Variants in CNOT10 observed in about 807,000 individuals in gnomAD.
CNOT10 encodes CCR4-NOT transcription complex subunit 10.
CNOT10 carries 30 observed loss-of-function variants against 94.6 expected under a neutral mutation model. The observed-to-expected ratio is 0.32, with a 90% CI of 0.24 to 0.43. CNOT10 has a LOEUF of 0.43. Among genes scored for constraint, CNOT10 ranks in the 20% least tolerant of loss-of-function variants. CNOT10 has a pLI of 1.00. For synonymous variants in CNOT10, 289 were observed against 301.6 expected (o/e 0.96, Z 0.43); for missense variants, 759 against 877.2 (o/e 0.87, Z 1.70).
chr3:32,687,808 T>G (rs1696696059), intron 1 of CNOT10: 1 of 152,130 alleles, frequency 6.6e-6, no homozygotes, highest in Non-Finnish European at 1.5e-5. Flanking sequence ...CAGCTGGATT[T>G]CTGTATCAAC....
At chr3:32,712,662 A>G (rs1208454710) in intron 4 of CNOT10, among the ~76,000 whole-genome samples, 2 of 152,284 alleles carry the variant, frequency 1.3e-5, no homozygotes, top group Non-Finnish European at 2.9e-5. Flanking sequence ...CCTGGGCAAC[A>G]TAGTGAAACC....
chr3:32,727,561 AT>A, intron 9 of CNOT10, 106 bp from the exon 10 acceptor site: 1 of 729,734 alleles, frequency 1.4e-6, no homozygotes, highest in South Asian at 1.6e-5. Flanking sequence ...GATCAGGATT[AT>A]TGGTGTTAAA....
chr3:32,773,486 A>G lies in CNOT10; in HGVS notation c.2110A>G (p.Lys704Glu). Reference protein sequence around the residue: ...GNTQLALQIIKRNQLLPAVKT... With the variant: ...GNTQLALQIIERNQLLPAVKT... Reference sequence around the variant, plus strand: ...TACTCAGCTGGCCTTACAGATCATCAAAAGGAATCAGCTGCTCCCTGCAGT... The same window carrying G: ...TACTCAGCTGGCCTTACAGATCATCGAAAGGAATCAGCTGCTCCCTGCAGT... The change falls in exon 19 of 19, where the codon AAA (lysine) becomes GAA (glutamate). Residue 704 changes from lysine to glutamate, a missense_variant. By Grantham distance (56) the Lys-to-Glu change is moderately conservative. Coordinates refer to ENST00000328834, the MANE Select transcript of CNOT10 (RefSeq NM_015442.3). 1 of 1,613,652 alleles carries G rather than the reference A, an allele frequency of 6.2e-7. No homozygotes were observed. Among genetic ancestry groups the G allele is most frequent in the Non-Finnish European group, 8.5e-7 (1 of 1,179,892 alleles).
At chr3:32,699,328 A>G (rs763628145) in intron 1 of CNOT10, among the ~76,000 whole-genome samples, 14 of 152,242 alleles carry the variant, frequency 9.2e-5, no homozygotes, top group Non-Finnish European at 1.3e-4. Context: ...ATCAAGTTAT[A>G]TAGACTTAAT....
At chr3:32,706,128 A>G (rs1333776718) in intron 3 of CNOT10, among the ~76,000 whole-genome samples, 4 of 152,088 alleles carry the variant, frequency 2.6e-5, no homozygotes, top group Non-Finnish European at 4.4e-5. Context: ...CTGTTCTCCT[A>G]CCTGTCTCAG....
intron 1 of CNOT10, among the ~76,000 whole-genome samples, chr3:32,687,463 T>TTGTTTGTTTGTTTG (rs1696671141): frequency 1.7e-5 from 2 of 116,440 alleles, no homozygotes; most frequent in Admixed American, 9.4e-5. Context: ...TTTTTTTTTT[T>TTGTTTGTTTGTTTG]TTTTTTGAGA....
intron 6 of CNOT10, among the ~76,000 whole-genome samples, chr3:32,716,882 T>C (rs1226025616): frequency 6.6e-6 from 1 of 152,200 alleles, no homozygotes; most frequent in Admixed American, 6.5e-5. Flanking sequence ...ACTCCTGACC[T>C]CAGGTGATCC....
intron 1 of CNOT10, among the ~76,000 whole-genome samples, chr3:32,694,282 G>T (rs1696963902): frequency 6.6e-6 from 1 of 151,986 alleles, no homozygotes; most frequent in Non-Finnish European, 1.5e-5. Context: ...GTTTGAAGAT[G>T]TTATGTTGAA....
chr3:32,697,015 A>T (rs907489505), intron 1 of CNOT10, among the ~76,000 whole-genome samples: 3 of 148,676 alleles, frequency 2.0e-5, no homozygotes, highest in Admixed American at 2.0e-4. Context: ...CAGTGGCGTG[A>T]TCTCGGCTCA....
intron 13 of CNOT10, among the ~76,000 whole-genome samples, chr3:32,739,229 G>A (rs1005198715): frequency 6.6e-6 from 1 of 151,968 alleles, no homozygotes; most frequent in Non-Finnish European, 1.5e-5. Context: ...GATATTTGTG[G>A]GATCTCTTGC....
chr3:32,736,807 G>A (rs1177162972), intron 12 of CNOT10, among the ~76,000 whole-genome samples: 2 of 151,578 alleles, frequency 1.3e-5, no homozygotes, highest in Non-Finnish European at 2.9e-5. Context: ...AGGGGTCAGG[G>A]TAATTAGAAT....
chr3:32,716,198 G>T, intron 5 of CNOT10, 27 bp from the exon 6 acceptor site: 1 of 1,239,382 alleles, frequency 8.1e-7, no homozygotes, highest in South Asian at 1.5e-5. Context: ...ATTTAATTTT[G>T]ATAAACTTTG....
chr3:32,752,736 G>A (rs1700018059), intron 13 of CNOT10, among the ~76,000 whole-genome samples: 1 of 152,150 alleles, frequency 6.6e-6, no homozygotes, highest in Non-Finnish European at 1.5e-5. Context: ...AGCACTTTGG[G>A]AGGCCGAGGT....
At chr3:32,728,525 A>G (rs762240634) in intron 10 of CNOT10, among the ~76,000 whole-genome samples, 1 of 151,992 alleles carries the variant, frequency 6.6e-6, no homozygotes, top group Non-Finnish European at 1.5e-5. Flanking sequence ...AAGCGGGAAG[A>G]TCGTTTGAGC....
intron 18 of CNOT10, among the ~76,000 whole-genome samples, chr3:32,772,417 C>T (rs992312675): frequency 3.9e-5 from 6 of 152,066 alleles, no homozygotes; most frequent in African/African-American, 9.7e-5. Flanking sequence ...GAGGCTGAGG[C>T]GGGAGGATTG....
chr3:32,723,990 G>A (rs1420973499), intron 8 of CNOT10, among the ~76,000 whole-genome samples: 1 of 152,118 alleles, frequency 6.6e-6, no homozygotes, highest in African/African-American at 2.4e-5. Context: ...TGAGGCATGA[G>A]GATTGCTTGA....
chr3:32,703,724 A>G, intron 1 of CNOT10, 144 bp from the exon 2 acceptor site: 1 of 604,508 alleles, frequency 1.7e-6, no homozygotes, highest in Non-Finnish European at 2.9e-6. Context: ...TTAAAACTTA[A>G]GAACTGCTTA....
chr3:32,727,072 C>T (rs1698706718), intron 9 of CNOT10, among the ~76,000 whole-genome samples: 1 of 151,956 alleles, frequency 6.6e-6, no homozygotes, highest in South Asian at 2.1e-4. Flanking sequence ...GTTTTGAACT[C>T]CTGACTTCGT....
At chr3:32,696,001 G>A (rs1342744287) in intron 1 of CNOT10, among the ~76,000 whole-genome samples, 3 of 130,284 alleles carry the variant, frequency 2.3e-5, no homozygotes, top group South Asian at 2.6e-4. Flanking sequence ...GTGTGTGTGT[G>A]TGTGTGTGTG....
Sources: gnomAD v4.1 joint callset for allele counts (sites outside exome capture counted in the v4.1 genomes callset) on GRCh38, gnomAD v4.1.1 for gene constraint, MANE v1.5 for transcripts, NCBI Gene and HGNC (gene_info 2026-07-23, HGNC 2026-07-21) for gene names.